NIBAN2: variants seen among roughly 807,000 people sequenced by gnomAD.
NIBAN2 encodes the protein niban apoptosis regulator 2.
A neutral mutation model predicts 81.8 loss-of-function variants in NIBAN2; 36 were observed. The ratio of observed to expected loss-of-function variants is 0.44; its 90% confidence interval spans 0.34 to 0.58. The LOEUF is 0.58. NIBAN2 is among the 20% of genes least tolerant of loss of function. The probability of loss-of-function intolerance (pLI) is 0.02; values close to 1 mark genes in which losing one functional copy is unlikely to be tolerated. For synonymous variants in NIBAN2, 445 were observed against 441.6 expected (o/e 1.01, Z -0.10); for missense variants, 897 against 1,014.1 (o/e 0.88, Z 1.57).
intron 1 of NIBAN2, among the ~76,000 whole-genome samples, chr9:127,540,032 A>G (rs1211483765): frequency 3.9e-5 from 6 of 152,154 alleles, no homozygotes; most frequent in Non-Finnish European, 8.8e-5. Context: ...CACTTCACCA[A>G]TGGGGGCTCC....
At chr9:127,534,181 C>T (rs534624345) in intron 1 of NIBAN2, among the ~76,000 whole-genome samples, 3 of 152,254 alleles carry the variant, frequency 2.0e-5, no homozygotes, top group Admixed American at 1.3e-4. Context: ...AGGCTGCATT[C>T]GATGACGGAC....
intron 1 of NIBAN2, among the ~76,000 whole-genome samples, chr9:127,568,233 T>C (rs1837891830): frequency 6.6e-6 from 1 of 152,164 alleles, no homozygotes; most frequent in Admixed American, 6.5e-5. Context: ...GGCAGCCTGC[T>C]GTCTGCGCCA....
chr9:127,509,167 C>T lies in NIBAN2; in HGVS notation c.1162-36G>A, dbSNP rs1172005939. ...CGGGGCCGCGGGGGCTGAGCAGGGC[C>T]GCCCTGTGGCCAGGCAGCACCCCCC... is the stretch of plus-strand genomic sequence containing the variant. On this transcript the variant is annotated intron_variant, in intron 9 of 13. Transcript: ENST00000373312. 6.4e-6 allele frequency: 10 copies of T among 1,572,956 alleles called. No homozygotes were observed. In the East Asian group the frequency reaches 6.8e-5, roughly 11 times the overall value.
intron 1 of NIBAN2, among the ~76,000 whole-genome samples, chr9:127,547,144 A>G (rs1207717996): frequency 6.6e-6 from 1 of 152,126 alleles, no homozygotes; most frequent in African/African-American, 2.4e-5. Flanking sequence ...CTCAGTTCAA[A>G]TCCTAACTCC....
intron 1 of NIBAN2, among the ~76,000 whole-genome samples, chr9:127,575,951 C>T (rs926943555): frequency 4.6e-5 from 7 of 152,162 alleles, no homozygotes; most frequent in Non-Finnish European, 7.3e-5. Context: ...CTAGGTCAGG[C>T]CTGCCATTAT....
chr9:127,556,131 T>C (rs1474959328), intron 1 of NIBAN2, among the ~76,000 whole-genome samples: 5 of 151,680 alleles, frequency 3.3e-5, no homozygotes, highest in Non-Finnish European at 5.9e-5. Flanking sequence ...CAAGAAAGAC[T>C]CTACCCGCCT....
intron 2 of NIBAN2, among the ~76,000 whole-genome samples, 157 bp from the exon 3 acceptor site, chr9:127,527,479 C>A (rs550254974): frequency 1.3e-5 from 2 of 152,184 alleles, no homozygotes; most frequent in Non-Finnish European, 2.9e-5. Context: ...CCTCTGAGGC[C>A]GGGCTGCATC....
intron 1 of NIBAN2, among the ~76,000 whole-genome samples, chr9:127,564,501 CT>C (rs1837824201): frequency 6.6e-6 from 1 of 152,126 alleles, no homozygotes; most frequent in South Asian, 2.1e-4. Context: ...ATGAGGTAGT[CT>C]TGTGTGTTCT....
At chr9:127,515,551 A>AAC (rs1554765475) in intron 8 of NIBAN2, among the ~76,000 whole-genome samples, 1 of 140,288 alleles carries the variant, frequency 7.1e-6, no homozygotes, top group African/African-American at 2.7e-5. Flanking sequence ...AAACAAAAAA[A>AAC]ACAGGCCAGG....
chr9:127,555,354 AT>A (rs1408003700), intron 1 of NIBAN2, among the ~76,000 whole-genome samples: 3 of 152,180 alleles, frequency 2.0e-5, no homozygotes, highest in Non-Finnish European at 2.9e-5. Context: ...GAAGATCCCA[AT>A]ACTTTAGTCA....
chr9:127,507,167 T>G lies in NIBAN2; in HGVS notation c.1919A>C (p.Glu640Ala), dbSNP rs1836619955. Reference protein sequence around the residue: ...EVGLPFEASPESPPPASPDGV... With the variant: ...EVGLPFEASPASPPPASPDGV... Reference sequence around the variant, plus strand: ...GTCCGGGGACGCAGGTGGTGGTGACTCAGGGCTAGCCTCAAAGGGCAGCCC... The same window carrying G: ...GTCCGGGGACGCAGGTGGTGGTGACGCAGGGCTAGCCTCAAAGGGCAGCCC... The change falls in exon 14 of 14, where the codon GAG (glutamate) becomes GCG (alanine). Residue 640 changes from glutamate (E) to alanine (A), a missense_variant. Physicochemically the swap from Glu to Ala is moderately radical, Grantham distance 107. Coordinates refer to ENST00000373312, the MANE Select transcript of NIBAN2 (RefSeq NM_022833.4). The surrounding 1 kb of genome is among the most constrained non-coding windows in gnomAD (Gnocchi z 6.8). 2 of 1,611,796 alleles carry G rather than the reference T, an allele frequency of 1.2e-6. No homozygotes were observed. Among genetic ancestry groups the G allele is most frequent in the African/African-American group, 1.3e-5 (1 of 74,988 alleles).
intron 1 of NIBAN2, among the ~76,000 whole-genome samples, chr9:127,548,446 C>T (rs753030856): frequency 1.5e-4 from 23 of 152,260 alleles, no homozygotes; most frequent in Admixed American, 2.6e-4. Flanking sequence ...CCAGCTCTGC[C>T]GCCAACTCAC....
rs1836645004 is a variant in NIBAN2, at chr9:127,508,026, G to A, written c.1543-48C>T. The A allele has an allele frequency of 1.2e-6, 2 of 1,611,462 alleles. No homozygotes were observed. Among genetic ancestry groups the A allele is most frequent in the African/African-American group, 1.3e-5 (1 of 74,878 alleles). ...ATGAGAGGTCAGGGCCAAGGGTAGA[G>A]GGAGGCCTGTGGGCTCCATCCCCCA... On this transcript the variant is annotated intron_variant, in intron 12 of 13. Coordinates refer to ENST00000373312, the MANE Select transcript of NIBAN2 (RefSeq NM_022833.4). The surrounding 1 kb of genome is among the most constrained non-coding windows in gnomAD (Gnocchi z 6.4).
chr9:127,569,092 G>T (rs1188900702), upstream of NIBAN2: 16 of 997,826 alleles, frequency 1.6e-5, no homozygotes, highest in Non-Finnish European at 4.7e-6. Flanking sequence ...CCCTGCCCTC[G>T]GCCCTGCACC....
chr9:127,538,583 C>T (rs969637357), intron 1 of NIBAN2, among the ~76,000 whole-genome samples: 4 of 149,792 alleles, frequency 2.7e-5, no homozygotes, highest in Non-Finnish European at 5.9e-5. Context: ...GCCAAGATCG[C>T]GCCACTGCAT....
chr9:127,560,988 C>G (rs781250166), intron 1 of NIBAN2, among the ~76,000 whole-genome samples: 1 of 152,312 alleles, frequency 6.6e-6, no homozygotes, highest in Non-Finnish European at 1.5e-5. Flanking sequence ...CAGAGTCACA[C>G]AGCAAGTGGT....
At position 127,523,821 on chromosome 9, in the gene NIBAN2, G is replaced by A. The variant is rs1317848531; in HGVS notation, c.447C>T (p.Ala149=). ...LPGTTAKSGS[A]PILKCPTQFP... is the part of the protein sequence containing the mutation. ...ACTGTGTGGGGCACTTGAGGATGGG[G>A]GCACTGCCCGACTTTGCCGTGGTCC... The change falls in exon 5 of 14, where the codon GCC becomes GCT. Residue 149 remains alanine, a synonymous_variant. Transcript: ENST00000373312. 6 of 1,612,486 alleles carry A rather than the reference G, an allele frequency of 3.7e-6. No individual in the cohort carries two copies. Among genetic ancestry groups the A allele is most frequent in the Admixed American group, 1.7e-5 (1 of 60,010 alleles).
upstream of NIBAN2, among the ~76,000 whole-genome samples, chr9:127,569,394 AC>A (rs1418899298): frequency 6.6e-6 from 1 of 151,094 alleles, no homozygotes; most frequent in African/African-American, 2.4e-5. Flanking sequence ...CGAAGAGCGC[AC>A]CCGCCCTGTA....
chr9:127,560,694 G>A (rs1401115458), intron 1 of NIBAN2, among the ~76,000 whole-genome samples: 2 of 152,192 alleles, frequency 1.3e-5, no homozygotes, highest in Non-Finnish European at 2.9e-5. Context: ...TGTCCCTGGT[G>A]CCCAGCACAG....
Sources: allele counts gnomAD v4.1 joint callset (sites outside exome capture counted in the v4.1 genomes callset), GRCh38; gene constraint gnomAD v4.1.1; non-coding constraint Gnocchi (gnomAD v3.1); transcripts MANE v1.5; gene names NCBI Gene and HGNC (gene_info 2026-07-23, HGNC 2026-07-21).